The following NRXN3 variants were observed in gnomAD, a reference collection of about 807,000 sequenced individuals.
NRXN3 encodes the protein neurexin 3.
In NRXN3, 32 loss-of-function variants were observed where a neutral mutation model predicts 137.6. That is an observed-to-expected ratio of 0.23 (90% CI 0.18 to 0.31). The LOEUF is 0.31. NRXN3 is among the 10% of genes least tolerant of loss of function. The pLI is 1.00. For missense variants in NRXN3, 1,574 were observed against 2,062.5 expected (o/e 0.76, Z 4.59); for synonymous variants, 798 against 784.5 (o/e 1.02, Z -0.29).
At chr14:79,692,629 G>C (rs1401652235) in intron 18 of NRXN3, among the ~76,000 whole-genome samples, 1 of 151,778 alleles carries the variant, frequency 6.6e-6, no homozygotes, top group East Asian at 1.9e-4. Flanking sequence ...ATTCCAAAAG[G>C]GCTTTTTAAA....
intron 15 of NRXN3, among the ~76,000 whole-genome samples, chr14:79,429,732 G>T (rs549374951): frequency 1.3e-5 from 2 of 152,002 alleles, no homozygotes; most frequent in Non-Finnish European, 2.9e-5. Flanking sequence ...CAGATCTATC[G>T]TCACCTCTTG....
chr14:79,121,300 G>A (rs951881408), intron 15 of NRXN3, among the ~76,000 whole-genome samples: 1 of 152,200 alleles, frequency 6.6e-6, no homozygotes, highest in Non-Finnish European at 1.5e-5. Context: ...GTGAGATCAT[G>A]ATCCCATTGA....
intron 15 of NRXN3, among the ~76,000 whole-genome samples, chr14:79,044,718 CA>C (rs2099630309): frequency 6.6e-6 from 1 of 152,050 alleles, no homozygotes; most frequent in Admixed American, 6.6e-5. Flanking sequence ...CACACACACA[CA>C]CACATATATA....
chr14:79,243,576 G>C (rs888274633), intron 15 of NRXN3, among the ~76,000 whole-genome samples: 1 of 152,104 alleles, frequency 6.6e-6, no homozygotes, highest in Non-Finnish European at 1.5e-5. Context: ...GTGTCCTTAA[G>C]TGATTTTGTA....
At chr14:78,460,335 C>A (rs76372711) in intron 4 of NRXN3, among the ~76,000 whole-genome samples, 6 of 152,162 alleles carry the variant, frequency 3.9e-5, no homozygotes, top group Admixed American at 3.9e-4. Flanking sequence ...ATCTTTAGCC[C>A]CTCTCTGTTT....
intron 19 of NRXN3, among the ~76,000 whole-genome samples, chr14:79,732,474 T>C (rs2098927565): frequency 6.6e-6 from 1 of 152,164 alleles, no homozygotes; most frequent in African/African-American, 2.4e-5. Flanking sequence ...TCTCATCTGC[T>C]TAGCTGTAAG....
chr14:79,501,288 C>T (rs772962504), intron 16 of NRXN3, among the ~76,000 whole-genome samples: 3 of 152,008 alleles, frequency 2.0e-5, no homozygotes, highest in African/African-American at 4.8e-5. Context: ...TTCCATTGCC[C>T]CCTCCCTCCC....
intron 10 of NRXN3, among the ~76,000 whole-genome samples, chr14:78,825,113 A>G (rs773045859): frequency 9.4e-5 from 14 of 148,868 alleles, no homozygotes; most frequent in South Asian, 2.1e-4. Context: ...AGAAATTTAT[A>G]TCCATTCCAG....
chr14:78,860,371 C>A (rs2099069152), intron 10 of NRXN3, among the ~76,000 whole-genome samples: 1 of 152,098 alleles, frequency 6.6e-6, no homozygotes, highest in Non-Finnish European at 1.5e-5. Context: ...AAATTCTACC[C>A]TCTATGCCCT....
chr14:79,582,433 T>G (rs1602434639), intron 16 of NRXN3, among the ~76,000 whole-genome samples: 1 of 123,148 alleles, frequency 8.1e-6, no homozygotes, highest in African/African-American at 4.0e-5. Context: ...ATAATTATTA[T>G]TTTTTTGAGA....
intron 10 of NRXN3, among the ~76,000 whole-genome samples, chr14:78,924,268 C>T (rs965703792): frequency 6.6e-6 from 1 of 152,160 alleles, no homozygotes; most frequent in African/African-American, 2.4e-5. Context: ...AACTTTAATA[C>T]GTGTGAGTAT....
intron 19 of NRXN3, among the ~76,000 whole-genome samples, chr14:79,699,025 C>G (rs897412865): frequency 6.6e-6 from 1 of 151,886 alleles, no homozygotes; most frequent in Non-Finnish European, 1.5e-5. Flanking sequence ...GCAGAAGTAT[C>G]CAGACAGCTC....
At chr14:78,615,197 ACTATAGTCTCACTATAGGCCAAGCAG>A (rs1383129929) in intron 4 of NRXN3, among the ~76,000 whole-genome samples, 1 of 152,172 alleles carries the variant, frequency 6.6e-6, no homozygotes, top group African/African-American at 2.4e-5. Context: ...TTAGGTCCTC[ACTATAGTCTCACTATAGGCCAAGCAG>A]CTACTTTTAG....
At chr14:79,150,591 G>A (rs2059708273) in intron 15 of NRXN3, among the ~76,000 whole-genome samples, 1 of 151,798 alleles carries the variant, frequency 6.6e-6, no homozygotes, top group African/African-American at 2.4e-5. Flanking sequence ...TTCCATGCAT[G>A]GTTGCCATCT....
chr14:79,067,998 A>C (rs2099682866), intron 15 of NRXN3, among the ~76,000 whole-genome samples: 1 of 152,014 alleles, frequency 6.6e-6, no homozygotes, highest in African/African-American at 2.4e-5. Flanking sequence ...GGAATTTTGG[A>C]TCACTCAAAT....
intron 2 of NRXN3, among the ~76,000 whole-genome samples, chr14:78,246,885 A>G (rs2067769156): frequency 6.6e-6 from 1 of 152,222 alleles, no homozygotes; most frequent in Admixed American, 6.5e-5. Context: ...TAAATTGTCC[A>G]TGTCACAGTA....
intron 8 of NRXN3, among the ~76,000 whole-genome samples, chr14:78,780,659 A>G (rs539095240): frequency 6.6e-6 from 1 of 152,338 alleles, no homozygotes; most frequent in South Asian, 2.1e-4. Flanking sequence ...AGCAAATGAC[A>G]GATGCCAAAA....
chr14:79,777,919 C>CAA (rs1273531065), intron 19 of NRXN3, among the ~76,000 whole-genome samples: 1 of 151,352 alleles, frequency 6.6e-6, no homozygotes, highest in East Asian at 1.9e-4. Flanking sequence ...ATAGCTACCT[C>CAA]AAGATTTTAC....
intron 4 of NRXN3, among the ~76,000 whole-genome samples, chr14:78,643,039 TG>T (rs2097650905): frequency 6.6e-6 from 1 of 152,208 alleles, no homozygotes; most frequent in Admixed American, 6.5e-5. Flanking sequence ...AAGAGAAACT[TG>T]ATCTCTTCTT....
Sources: allele counts gnomAD v4.1 joint callset (sites outside exome capture counted in the v4.1 genomes callset), GRCh38; gene constraint gnomAD v4.1.1; transcripts MANE v1.5; gene names NCBI Gene and HGNC (gene_info 2026-07-23, HGNC 2026-07-21).